CSTF3: variants seen among roughly 807,000 people sequenced by gnomAD.
CSTF3 encodes the protein cleavage stimulation factor subunit 3, also known as CF-1 77 kDa subunit.
CSTF3 carries 29 observed loss-of-function variants against 105.8 expected under a neutral mutation model. The ratio of observed to expected loss-of-function variants is 0.27; its 90% CI spans 0.20 to 0.37. The LOEUF (loss-of-function observed/expected upper bound fraction) is 0.37. Among genes scored for constraint, CSTF3 ranks in the 10% least tolerant of loss-of-function variants. The pLI is 1.00. For missense variants in CSTF3, 357 were observed against 879.3 expected (o/e 0.41, Z 7.51); for synonymous variants, 252 against 281.9 (o/e 0.89, Z 1.06).
At chr11:33,145,965 G>A (rs556654663) in intron 1 of CSTF3, among the ~76,000 whole-genome samples, 6 of 152,284 alleles carry the variant, frequency 3.9e-5, no homozygotes, top group African/African-American at 9.6e-5. Flanking sequence ...GGCCAGGGGC[G>A]ATGGCTCAGG....
chr11:33,105,519 A>G, intron 8 of CSTF3, 48 bp downstream of exon 8: 1 of 1,534,360 alleles, frequency 6.5e-7, no homozygotes, highest in Non-Finnish European at 8.8e-7. Context: ...ATGCATAGAA[A>G]TTAAAATGGC....
At chr11:33,160,588 A>C (rs1237012357) in intron 1 of CSTF3, among the ~76,000 whole-genome samples, 1 of 152,250 alleles carries the variant, frequency 6.6e-6, no homozygotes, top group Non-Finnish European at 1.5e-5. Context: ...TACAAAGAGC[A>C]AAAGAAACAA....
intron 15 of CSTF3, 119 bp from the exon 16 acceptor site, chr11:33,092,459 A>G: frequency 1.8e-6 from 1 of 566,418 alleles, no homozygotes; most frequent in Non-Finnish European, 2.9e-6. Flanking sequence ...TTTAACTATT[A>G]TCACACTTGA....
intron 3 of CSTF3, among the ~76,000 whole-genome samples, chr11:33,113,347 G>A (rs892891073): frequency 3.3e-5 from 5 of 151,902 alleles, no homozygotes; most frequent in Admixed American, 6.6e-5. Flanking sequence ...AATGACAGAG[G>A]CTCTTAATAG....
chr11:33,108,953 C>G (rs1855353042), intron 3 of CSTF3, among the ~76,000 whole-genome samples: 1 of 152,072 alleles, frequency 6.6e-6, no homozygotes, highest in East Asian at 1.9e-4. Flanking sequence ...GAAAATAAGA[C>G]AACGAAGTGG....
intron 3 of CSTF3, among the ~76,000 whole-genome samples, chr11:33,120,335 A>G (rs1219755942): frequency 1.3e-5 from 2 of 151,904 alleles, no homozygotes; most frequent in African/African-American, 2.4e-5. Flanking sequence ...ACTGTGATTA[A>G]GTTATAGTTC....
intron 3 of CSTF3, among the ~76,000 whole-genome samples, chr11:33,138,972 A>G (rs1855681830): frequency 6.6e-6 from 1 of 151,904 alleles, no homozygotes; most frequent in Non-Finnish European, 1.5e-5. Flanking sequence ...AGCATGTGAC[A>G]AATTCAGAAT....
Position 33,099,882 on chromosome 11 carries a change from T to C in CSTF3, c.827-165A>G, listed in dbSNP as rs931846470. Among the ~76,000 whole-genome samples, 1 of 152,144 alleles carries C rather than the reference T, an allele frequency of 6.6e-6. No individual in the cohort carries two copies. The highest frequency in any genetic ancestry group is 2.4e-5 in the African/African-American group (1 of 41,448). On this transcript the variant is annotated intron_variant, in intron 10 of 20. Coordinates refer to ENST00000323959, the MANE Select transcript of CSTF3 (RefSeq NM_001326.3). This position sits in a 1 kb window ranked among gnomAD's most constrained non-coding sequence, Gnocchi z 4.1. ...CCATCATCCATCCAAGTTCCCTCCA[T>C]CTATCCATCACTTATTAATTTTTTT...
chr11:33,145,628 A>G (rs1855772464), intron 1 of CSTF3, among the ~76,000 whole-genome samples: 1 of 151,980 alleles, frequency 6.6e-6, no homozygotes, highest in African/African-American at 2.4e-5. Flanking sequence ...CCTGGCTAAC[A>G]GGGTGAAACC....
chr11:33,141,933 C>G lies in CSTF3; in HGVS notation c.81G>C (p.Glu27Asp). Residue 27 changes from glutamate (E) to aspartate (D), a missense_variant, in exon 2 of 21, where the codon GAG becomes GAC. Transcript: ENST00000323959. ...TCCAAGCATCAAGGTCATATGGATT[C>G]TCTTCTAATTTCTTTTCCGCTTTCT... ...KVKKAEKKLEENPYDLDAWSI... is the reference protein window; with the variant it reads ...KVKKAEKKLEDNPYDLDAWSI... 1.9e-6 allele frequency: 3 copies of G among 1,611,144 alleles called. No homozygotes were observed. Among genetic ancestry groups the G allele is most frequent in the Non-Finnish European group, 2.5e-6 (3 of 1,179,144 alleles).
chr11:33,090,054 A>C (rs1481301146), intron 17 of CSTF3, among the ~76,000 whole-genome samples: 1 of 152,254 alleles, frequency 6.6e-6, no homozygotes, highest in African/African-American at 2.4e-5. Flanking sequence ...TGTTTTAAGA[A>C]TACAAATCCC....
At chr11:33,144,841 G>A in intron 1 of CSTF3, 1 of 189,272 alleles carries the variant, frequency 5.3e-6, no homozygotes, top group Non-Finnish European at 1.1e-5. Context: ...TTAGCCAGGT[G>A]TGTGCCACAC....
chr11:33,106,830 A>C (rs986557846), intron 5 of CSTF3, among the ~76,000 whole-genome samples: 3 of 152,200 alleles, frequency 2.0e-5, no homozygotes, highest in Admixed American at 1.3e-4. Flanking sequence ...CAAATGTGGA[A>C]ATTTGTGGTT....
At chr11:33,156,792 C>G (rs73482865) in intron 1 of CSTF3, 1 of 442,862 alleles carries the variant, frequency 2.3e-6, no homozygotes, top group Non-Finnish European at 4.5e-6. Context: ...CACAGTGAGA[C>G]CTCGTCTCTA....
intron 19 of CSTF3, 23 bp downstream of exon 19, chr11:33,085,872 A>G (rs1051192650): frequency 5.7e-6 from 9 of 1,581,516 alleles, no homozygotes; most frequent in Middle Eastern, 1.7e-4. Flanking sequence ...GCCAGTATCT[A>G]CCATGAAAAT....
At chr11:33,153,132 A>C (rs752042533) in intron 1 of CSTF3, among the ~76,000 whole-genome samples, 26 of 152,130 alleles carry the variant, frequency 1.7e-4, no homozygotes, top group Non-Finnish European at 3.5e-4. Flanking sequence ...AAAAGTCAAA[A>C]GAATGGCACC....
chr11:33,089,427 C>CA (rs1358971185), intron 17 of CSTF3, among the ~76,000 whole-genome samples: 2 of 151,362 alleles, frequency 1.3e-5, no homozygotes, highest in African/African-American at 4.9e-5. Flanking sequence ...ATGTTAAACA[C>CA]AAAAAAGTTA....
chr11:33,147,519 C>G (rs576990485), intron 1 of CSTF3, among the ~76,000 whole-genome samples: 1 of 150,710 alleles, frequency 6.6e-6, no homozygotes, highest in Non-Finnish European at 1.5e-5. Context: ...CGCTTGAGAC[C>G]AGGAGGCAGA....
chr11:33,146,169 C>T (rs973803379), intron 1 of CSTF3, among the ~76,000 whole-genome samples: 1 of 151,738 alleles, frequency 6.6e-6, no homozygotes, highest in Non-Finnish European at 1.5e-5. Context: ...ACCCAGGCAG[C>T]AGAGGTTGCA....
Sources: gnomAD v4.1 joint callset for allele counts (sites outside exome capture counted in the v4.1 genomes callset) on GRCh38, gnomAD v4.1.1 for gene constraint, Gnocchi (gnomAD v3.1) non-coding constraint, MANE v1.5 for transcripts, NCBI Gene and HGNC (gene_info 2026-07-23, HGNC 2026-07-21) for gene names.